The following ERAP2 variants were observed in gnomAD, a reference collection of about 807,000 sequenced individuals.
The protein encoded by ERAP2 is leukocyte-derived arginine aminopeptidase.
In ERAP2, 118 loss-of-function variants were observed where a neutral mutation model predicts 111.1. The observed-to-expected ratio is 1.06, with a 90% CI of 0.92 to 1.24. ERAP2 has a LOEUF of 1.24. Among genes scored for constraint, ERAP2 ranks in the 50% most tolerant of loss-of-function variants. The pLI is 0.00. For missense variants in ERAP2, 1,131 were observed against 1,125.8 expected, an observed-to-expected ratio of 1.00 and a Z score of -0.07; for synonymous variants, 410 against 401.2, an observed-to-expected ratio of 1.02 and a Z score of -0.26.
chr5:96,907,655 G>A (rs1227874519), intron 13 of ERAP2, among the ~76,000 whole-genome samples: 1 of 152,000 alleles, frequency 6.6e-6, no homozygotes, highest in Non-Finnish European at 1.5e-5. Context: ...GCCGAGGCGG[G>A]TGGATCACCT....
intron 14 of ERAP2, 85 bp from the exon 15 acceptor site, chr5:96,909,495 T>C: frequency 9.8e-7 from 1 of 1,017,492 alleles, no homozygotes; most frequent in East Asian, 2.4e-5. Flanking sequence ...ATGCAGAAAG[T>C]TTAGAGTTGA....
Position 96,879,623 on chromosome 5 carries a change from C to A in ERAP2, c.-63C>A. On this transcript the variant is annotated 5_prime_UTR_variant, in exon 2 of 19. Coordinates refer to ENST00000437043, the MANE Select transcript of ERAP2 (RefSeq NM_022350.5). The stretch of plus-strand genomic sequence containing the variant: ...CCATGTGACATAACTGGAGCCAGTG[C>A]AGTGCCATGAAGAACTACGAGATTA... 1.5e-6 allele frequency: 2 copies of A among 1,344,560 alleles called. No homozygotes were observed. Among genetic ancestry groups the A allele is most frequent in the Non-Finnish European group, 2.1e-6 (2 of 947,094 alleles). 83.3% of individuals were successfully genotyped at this position (1,344,560 alleles called of 1,614,324 possible). A position where few individuals can be genotyped will look rare whatever the true frequency, so the allele number is the denominator to read the frequency against.
rs377445279 is a variant in ERAP2, at chr5:96,896,733, G to C, written c.1373G>C (p.Gly458Ala). ...EMFDEVSYNK[G>A]ACILNMLKDF... ...CAACTCTTTTGTTTTTTTTTAAAGG[G>C]AGCTTGTATTTTGAATATGCTCAAG... Residue 458 changes from glycine to alanine, a missense_variant and splice_region_variant, in exon 9 of 19, where the codon GGA (glycine) becomes GCA (alanine). Gly to Ala is a moderately conservative substitution (Grantham distance 60). This residue lies in a region of ERAP2 where 847 missense variants were observed against 856.5 expected (regional missense o/e 0.99). Coordinates refer to ENST00000437043, the MANE Select transcript of ERAP2 (RefSeq NM_022350.5). 6.4e-7 allele frequency: 1 copy of C among 1,568,366 alleles called. No individual in the cohort carries two copies. The highest frequency in any genetic ancestry group is 8.6e-7 in the Non-Finnish European group (1 of 1,165,708).
At chr5:96,914,048 T>C (rs1352283206) in intron 17 of ERAP2, among the ~76,000 whole-genome samples, 1 of 152,164 alleles carries the variant, frequency 6.6e-6, no homozygotes, top group Non-Finnish European at 1.5e-5. Context: ...AATATGTTCC[T>C]GGATCTAAAA....
intron 4 of ERAP2, 53 bp from the exon 5 acceptor site, chr5:96,889,132 A>T: frequency 6.2e-7 from 1 of 1,607,628 alleles, no homozygotes; most frequent in South Asian, 1.1e-5. Flanking sequence ...TCAGGAATGG[A>T]ATTATGCCAG....
At chr5:96,877,946 A>C (rs766167604) in intron 1 of ERAP2, among the ~76,000 whole-genome samples, 3 of 152,224 alleles carry the variant, frequency 2.0e-5, no homozygotes, top group Non-Finnish European at 4.4e-5. Context: ...TTGTTTGGAT[A>C]ATTAATGCTG....
At chr5:96,892,572 A>G (rs1561373883) in intron 6 of ERAP2, 119 bp downstream of exon 6, 3 of 1,183,748 alleles carry the variant, frequency 2.5e-6, no homozygotes, top group South Asian at 2.9e-5. Flanking sequence ...GAACTTAGAG[A>G]CTACTAAACC....
chr5:96,912,928 C>T, intron 16 of ERAP2, 130 bp downstream of exon 16: 1 of 713,472 alleles, frequency 1.4e-6, no homozygotes, highest in Non-Finnish European at 2.2e-6. Context: ...TTTAACTTTA[C>T]TTTCAGAAAA....
intron 9 of ERAP2, among the ~76,000 whole-genome samples, chr5:96,898,573 A>AAAAT (rs1785110670): frequency 4.1e-5 from 1 of 24,430 alleles, no homozygotes; most frequent in Non-Finnish European, 7.6e-5. Context: ...ACTAAAATAC[A>AAAAT]AAAAAAAAAA....
intron 15 of ERAP2, among the ~76,000 whole-genome samples, chr5:96,912,209 A>AAAAT (rs1222578976): frequency 6.6e-6 from 1 of 150,824 alleles, no homozygotes; most frequent in South Asian, 2.1e-4. Context: ...AAAAAAGAAA[A>AAAAT]GAAAAGAAAA....
rs570091498 is a variant in ERAP2 at position 96,879,525 on chromosome 5, T to A, written c.-122-39T>A. On this transcript the variant is annotated intron_variant, in intron 1 of 18. Transcript: ENST00000437043. ...TTAAGATTTTATTTGTAAATTGAAATCTTTTTTGTCATGCTATAAGTGTGT... is the reference window on the plus strand; with the variant it reads ...TTAAGATTTTATTTGTAAATTGAAAACTTTTTTGTCATGCTATAAGTGTGT... The A allele has an allele frequency of 9.6e-4, 554 of 578,654 alleles. 3 individuals carry two copies. Among genetic ancestry groups the A allele is most frequent in the South Asian group, 7.9e-3 (307 of 38,910 alleles). The allele number at this position is 578,654 out of a possible 1,614,324, so 35.8% of individuals were successfully genotyped here.
rs1205452219 is a variant in ERAP2, at chr5:96,886,743, T to A, written c.803T>A (p.Val268Asp). 1 of 1,533,636 alleles carries A rather than the reference T, an allele frequency of 6.5e-7. No individual in the cohort carries two copies. The highest frequency in any genetic ancestry group is 1.4e-5 in the African/African-American group (1 of 74,008). ...AGTACATACCTTGTAGCCTACATAG[T>A]TTGTGATTTCCACTCTCTGAGTGGC... ...KMSTYLVAYI[V>D]CDFHSLSGFT... Residue 268 changes from valine to aspartate, a missense_variant, in exon 4 of 19, where the codon GTT becomes GAT. Physicochemically the swap from Val to Asp is radical, Grantham distance 152 (BLOSUM62 -3). This residue lies in a region of ERAP2 where 847 missense variants were observed against 856.5 expected (regional missense o/e 0.99). Coordinates refer to ENST00000437043, the MANE Select transcript of ERAP2 (RefSeq NM_022350.5).
chr5:96,918,763 A>T lies in ERAP2; in HGVS notation c.*1158A>T, dbSNP rs1430931248. 6.6e-6 allele frequency: 1 copy of T among 152,208 alleles called. No homozygotes were observed. Among genetic ancestry groups the T allele is most frequent in the Non-Finnish European group, 1.5e-5 (1 of 68,028 alleles). 9.4% of individuals were successfully genotyped at this position (152,208 alleles called of 1,614,324 possible). A position where few individuals can be genotyped will look rare whatever the true frequency, so the allele number is the denominator to read the frequency against. ...ATTGCATTTTTAATAAATCTTTTGAAATTTGCAGAATTAGATTGTATTGTG... is the reference window on the plus strand; with the variant it reads ...ATTGCATTTTTAATAAATCTTTTGATATTTGCAGAATTAGATTGTATTGTG... On this transcript the variant is annotated 3_prime_UTR_variant, in exon 19 of 19. Coordinates refer to ENST00000437043, the MANE Select transcript of ERAP2 (RefSeq NM_022350.5).
chr5:96,890,737 A>T (rs1394776524), intron 5 of ERAP2, among the ~76,000 whole-genome samples: 1 of 152,194 alleles, frequency 6.6e-6, no homozygotes, highest in Non-Finnish European at 1.5e-5. Context: ...AGCTATATCC[A>T]GGGACTTATT....
At position 96,880,111 on chromosome 5, in the gene ERAP2, C is replaced by A. The variant is rs1332244764; in HGVS notation, c.426C>A (p.Tyr142Ter). 2 of 1,614,126 alleles carry A rather than the reference C, an allele frequency of 1.2e-6. No homozygotes were observed. Among genetic ancestry groups the A allele is most frequent in the African/African-American group, 1.3e-5 (1 of 75,062 alleles). Residue 142 changes from tyrosine (Y) to a stop codon, truncating the protein, a stop_gained, in exon 2 of 19, where the codon TAC becomes TAA. Transcript: ENST00000437043. LOFTEE classifies it high-confidence loss of function. ...GAAAAGAACTGAAAGTTTTGAGTTA[C>A]CCTGCTCATGAACAAATTGCACTGC... ...KPGKELKVLS[Y>*]PAHEQIALLV...
At chr5:96,894,449 A>C (rs1784666444) in intron 6 of ERAP2, among the ~76,000 whole-genome samples, 1 of 152,146 alleles carries the variant, frequency 6.6e-6, no homozygotes, top group Non-Finnish European at 1.5e-5. Context: ...TGAATCTTAG[A>C]ATCTTATTGT....
At chr5:96,913,058 TA>T (rs1786979337) in intron 16 of ERAP2, among the ~76,000 whole-genome samples, 1 of 152,214 alleles carries the variant, frequency 6.6e-6, no homozygotes, top group Non-Finnish European at 1.5e-5. Flanking sequence ...ATTATTGTTG[TA>T]AAAATACATT....
intron 18 of ERAP2, among the ~76,000 whole-genome samples, chr5:96,916,456 C>CTTTTTTTTTT (rs745860227): frequency 1.0e-5 from 1 of 97,640 alleles, no homozygotes; most frequent in African/African-American, 4.3e-5. Context: ...TTCTAGTTAT[C>CTTTTTTTTTT]TTTTTTTTTT....
chr5:96,892,601 C>A, intron 6 of ERAP2, 148 bp downstream of exon 6: 1 of 847,224 alleles, frequency 1.2e-6, no homozygotes, highest in Admixed American at 2.8e-5. Flanking sequence ...CGTCAAGTAG[C>A]ACAGTACTCA....
Sources: gnomAD v4.1 joint callset for allele counts (sites outside exome capture counted in the v4.1 genomes callset) on GRCh38, gnomAD v4.1.1 for gene constraint, gnomAD v4.1.1 regional missense constraint, MANE v1.5 for transcripts, NCBI Gene and HGNC (gene_info 2026-07-23, HGNC 2026-07-21) for gene names.